The following NXPE2 variants were observed in gnomAD, a reference collection of about 807,000 sequenced individuals.
NXPE2 encodes the protein NXPE family member 2.
In NXPE2, 34 loss-of-function variants were observed where a neutral mutation model predicts 34.4. The ratio of observed to expected loss-of-function variants is 0.99; its 90% CI spans 0.75 to 1.31. The LOEUF is 1.31. Among genes scored for constraint, NXPE2 ranks in the 40% most tolerant of loss-of-function variants. The pLI is 0.00. For missense variants in NXPE2, 649 were observed against 672.5 expected, an observed-to-expected ratio of 0.97 and a Z score of 0.39; for synonymous variants, 235 against 231.3, an observed-to-expected ratio of 1.02 and a Z score of -0.15.
At chr11:114,613,276 C>T in the NXPE2 span, among the ~76,000 whole-genome samples, 1 of 151,736 alleles carries the variant, frequency 6.6e-6, no homozygotes, top group African/African-American at 2.4e-5. Flanking sequence ...TCACAGGTAA[C>T]CACTGTTACT....
At chr11:114,649,091 C>T in the NXPE2 span, among the ~76,000 whole-genome samples, 2 of 151,780 alleles carry the variant, frequency 1.3e-5, no homozygotes, top group South Asian at 4.2e-4. Context: ...ACTACCATTC[C>T]ATATTCCTTT....
chr11:114,582,514 C>G, the NXPE2 span: 2 of 1,614,156 alleles, frequency 1.2e-6, no homozygotes, highest in Non-Finnish European at 1.7e-6. Flanking sequence ...GTGAAGATCA[C>G]CCTGTCATAG....
At chr11:114,513,155 C>T in the NXPE2 span, 43 of 554,746 alleles carry the variant, frequency 7.8e-5, no homozygotes, top group South Asian at 4.5e-4. Flanking sequence ...GAAATCCCTG[C>T]CATATTGCTT....
At chr11:114,696,634 A>C (rs1951263983) in intron 2 of NXPE2, among the ~76,000 whole-genome samples, 1 of 152,214 alleles carries the variant, frequency 6.6e-6, no homozygotes, top group African/African-American at 2.4e-5. Context: ...GAGCTACAAA[A>C]TATTTGAAGA....
chr11:114,606,332 AG>A, the NXPE2 span, among the ~76,000 whole-genome samples: 1 of 151,690 alleles, frequency 6.6e-6, no homozygotes, highest in African/African-American at 2.4e-5. Context: ...GTGGATAATA[AG>A]TGTTACCTTG....
At chr11:114,510,888 A>G in the NXPE2 span, among the ~76,000 whole-genome samples, 1 of 152,174 alleles carries the variant, frequency 6.6e-6, no homozygotes, top group African/African-American at 2.4e-5. Context: ...GGGCAGAGAA[A>G]GGAAGGTGTA....
At chr11:114,792,617 T>A in the NXPE2 span, among the ~76,000 whole-genome samples, 5 of 152,214 alleles carry the variant, frequency 3.3e-5, no homozygotes, top group Admixed American at 6.5e-5. Flanking sequence ...CCACAGATGA[T>A]ATACCATTTC....
the NXPE2 span, among the ~76,000 whole-genome samples, chr11:114,505,009 A>G: frequency 1.3e-5 from 2 of 152,182 alleles, no homozygotes; most frequent in Non-Finnish European, 2.9e-5. Flanking sequence ...GCAGGAACTG[A>G]CACACAAAAT....
chr11:114,602,374 A>G, the NXPE2 span, among the ~76,000 whole-genome samples: 1 of 127,932 alleles, frequency 7.8e-6, no homozygotes, highest in Non-Finnish European at 1.6e-5. Context: ...GTTATATACA[A>G]TATATATTAT....
the NXPE2 span, among the ~76,000 whole-genome samples, chr11:114,742,263 T>C: frequency 6.6e-6 from 1 of 152,176 alleles, no homozygotes; most frequent in South Asian, 2.1e-4. Context: ...GCTCCTGGGC[T>C]AGTTGTTGTT....
chr11:114,760,266 A>G, the NXPE2 span, among the ~76,000 whole-genome samples: 8 of 152,160 alleles, frequency 5.3e-5, 1 homozygote, highest in East Asian at 1.5e-3. Flanking sequence ...CTCTTTCACC[A>G]CCAGAGGACA....
chr11:114,703,070 C>G (rs532751608), intron 3 of NXPE2, among the ~76,000 whole-genome samples: 3 of 151,834 alleles, frequency 2.0e-5, no homozygotes, highest in African/African-American at 7.3e-5. Context: ...TGCTGGCACT[C>G]GAAATATTAT....
At chr11:114,523,629 C>T in the NXPE2 span, among the ~76,000 whole-genome samples, 2 of 152,204 alleles carry the variant, frequency 1.3e-5, no homozygotes, top group African/African-American at 4.8e-5. Flanking sequence ...CAACATGCAA[C>T]ATCCAATACA....
At chr11:114,629,875 C>T in the NXPE2 span, among the ~76,000 whole-genome samples, 5 of 150,166 alleles carry the variant, frequency 3.3e-5, no homozygotes, top group South Asian at 1.1e-3. Context: ...TATACACCAA[C>T]AACAGACAAA....
At chr11:114,610,203 C>T in the NXPE2 span, among the ~76,000 whole-genome samples, 1 of 151,902 alleles carries the variant, frequency 6.6e-6, no homozygotes, top group Non-Finnish European at 1.5e-5. Context: ...TGGGTAGCCA[C>T]TGTTACCCAG....
chr11:114,739,579 G>A, the NXPE2 span, among the ~76,000 whole-genome samples: 5 of 151,984 alleles, frequency 3.3e-5, no homozygotes, highest in Non-Finnish European at 7.4e-5. Flanking sequence ...TTGTGTGTAT[G>A]TGTGTGTGGT....
the NXPE2 span, among the ~76,000 whole-genome samples, chr11:114,785,418 G>A: frequency 1.3e-5 from 2 of 152,110 alleles, no homozygotes; most frequent in Non-Finnish European, 2.9e-5. Context: ...ATCATTATCT[G>A]AACATGAGTA....
the NXPE2 span, among the ~76,000 whole-genome samples, chr11:114,637,753 G>T: frequency 6.6e-6 from 1 of 151,596 alleles, no homozygotes; most frequent in Non-Finnish European, 1.5e-5. Flanking sequence ...GAAATTCTGG[G>T]TTGAAAATTC....
At chr11:114,755,450 T>C in the NXPE2 span, among the ~76,000 whole-genome samples, 13 of 152,330 alleles carry the variant, frequency 8.5e-5, no homozygotes, top group East Asian at 2.3e-3. Context: ...GTCTGCTTGA[T>C]AAATCAATAA....
Sources: gnomAD v4.1 joint callset for allele counts (sites outside exome capture counted in the v4.1 genomes callset) on GRCh38, gnomAD v4.1.1 for gene constraint, MANE v1.5 for transcripts, NCBI Gene and HGNC (gene_info 2026-07-23, HGNC 2026-07-21) for gene names.